The following PLPP4 variants were observed in gnomAD, a reference collection of about 807,000 sequenced individuals.
PLPP4 encodes the protein diacylglycerol pyrophosphate like 2.
Under a neutral mutation model 32.2 loss-of-function variants are expected in PLPP4, and 20 were observed. The observed-to-expected ratio is 0.62, with a 90% CI of 0.44 to 0.90. PLPP4 has a LOEUF of 0.90. Among genes scored for constraint, PLPP4 ranks in the 40% least tolerant of loss-of-function variants. The pLI is 0.00. For missense variants in PLPP4, 257 were observed against 353.1 expected, an observed-to-expected ratio of 0.73 and a Z score of 2.18; for synonymous variants, 127 against 133.0, an observed-to-expected ratio of 0.95 and a Z score of 0.31.
At chr10:120,463,019 C>CTTTT (rs71019771) in intron 1 of PLPP4, among the ~76,000 whole-genome samples, 500 of 89,282 alleles carry the variant, frequency 5.6e-3, no homozygotes, top group Middle Eastern at 0.015. Flanking sequence ...AAGTTTCTTT[C>CTTTT]TTTTTTTTTT....
Position 120,589,190 on chromosome 10 carries a change from T to C in PLPP4, c.617-113T>C, listed in dbSNP as rs181299614. ...TTTCCTTTAGTCTTTCAGGGGGTCCTGTAAGCAAACCAGGTCCTAGAACAG... is the reference window on the plus strand; with the variant it reads ...TTTCCTTTAGTCTTTCAGGGGGTCCCGTAAGCAAACCAGGTCCTAGAACAG... On this transcript the variant is annotated intron_variant, in intron 6 of 6. Coordinates refer to ENST00000398250, the MANE Select transcript of PLPP4 (RefSeq NM_001030059.3). The C allele has an allele frequency of 4.9e-6, 5 of 1,028,160 alleles. No homozygotes were observed. In the Admixed American group the frequency reaches 5.8e-5, roughly 12 times the overall value. The allele number at this position is 1,028,160 out of a possible 1,614,324, so 63.7% of individuals were successfully genotyped here. A position where few individuals can be genotyped will look rare whatever the true frequency, so the allele number is the denominator to read the frequency against.
chr10:120,550,466 A>C (rs1847840503), intron 5 of PLPP4, among the ~76,000 whole-genome samples: 1 of 151,910 alleles, frequency 6.6e-6, no homozygotes, highest in Admixed American at 6.6e-5. Flanking sequence ...AGGACCTAGG[A>C]TAGCCGAACA....
chr10:120,526,769 T>G (rs910734340), intron 5 of PLPP4, among the ~76,000 whole-genome samples: 8 of 152,284 alleles, frequency 5.3e-5, no homozygotes, highest in Admixed American at 5.2e-4. Context: ...TAGCTTCTCT[T>G]TATCGGCACT....
chr10:120,509,668 T>C lies in PLPP4; in HGVS notation c.166-4243T>C, dbSNP rs149433487. On this transcript the variant is annotated intron_variant, in intron 2 of 6. Coordinates refer to ENST00000398250, the MANE Select transcript of PLPP4 (RefSeq NM_001030059.3). The stretch of plus-strand genomic sequence containing the variant: ...CCTACTAGCTGTGTGCATTTGTGTG[T>C]TCACTCATCTCTCTGAGTTTTAGTT... 7.4e-3 allele frequency among the ~76,000 whole-genome samples: 1,121 copies of C among 152,282 alleles called. 15 individuals are homozygous for C. Among genetic ancestry groups the C allele is most frequent in the African/African-American group, 0.026 (1,074 of 41,548 alleles).
chr10:120,479,031 C>G (rs1844066549), intron 1 of PLPP4, among the ~76,000 whole-genome samples: 1 of 152,146 alleles, frequency 6.6e-6, no homozygotes, highest in African/African-American at 2.4e-5. Flanking sequence ...TCGAGACCAT[C>G]CTGGCTAACA....
chr10:120,486,699 G>C (rs1006168009), intron 1 of PLPP4, among the ~76,000 whole-genome samples: 2 of 152,212 alleles, frequency 1.3e-5, no homozygotes. Context: ...TTGCTTATTG[G>C]CTTCCTTTGG....
intron 1 of PLPP4, among the ~76,000 whole-genome samples, chr10:120,479,030 T>C (rs927486196): frequency 1.3e-5 from 2 of 152,090 alleles, no homozygotes; most frequent in Non-Finnish European, 2.9e-5. Context: ...ATCGAGACCA[T>C]CCTGGCTAAC....
intron 5 of PLPP4, among the ~76,000 whole-genome samples, chr10:120,574,164 ACACACTCTCTCTCT>A (rs1372029763): frequency 0.011 from 756 of 66,900 alleles, no homozygotes; most frequent in African/African-American, 0.013. Context: ...ACACACACAC[ACACACTCTCTCTCT>A]CTCTCTCTCT....
In PLPP4 at chr10:120,507,391, C is replaced by CATCATT. The variant is rs1415248185; in HGVS notation, c.165+3470_165+3471insTATCAT. Among the ~76,000 whole-genome samples, 22 of 142,138 alleles carry CATCATT rather than the reference C, an allele frequency of 1.5e-4. 1 individual carries two copies. The highest frequency in any genetic ancestry group is 6.2e-5 in the Non-Finnish European group (4 of 64,324). The allele number at this position is 142,138 out of a possible 152,430, so 93.2% of individuals were successfully genotyped here. A position where few individuals can be genotyped will look rare whatever the true frequency, so the allele number is the denominator to read the frequency against. On this transcript the variant is annotated intron_variant, in intron 2 of 6. Coordinates refer to ENST00000398250, the MANE Select transcript of PLPP4 (RefSeq NM_001030059.3). ...TCATCATCATCATCATCATCATTAT[C>CATCATT]ATCATCATCATCAACAACAGTAAAC...
intron 1 of PLPP4, among the ~76,000 whole-genome samples, chr10:120,501,991 G>C (rs564798287): frequency 6.6e-6 from 1 of 152,318 alleles, no homozygotes; most frequent in Non-Finnish European, 1.5e-5. Flanking sequence ...GCAGAGACCA[G>C]GGCAGAGAGC....
At chr10:120,519,083 A>C (rs1253019583) in intron 4 of PLPP4, among the ~76,000 whole-genome samples, 187 bp downstream of exon 4, 2 of 152,178 alleles carry the variant, frequency 1.3e-5, no homozygotes, top group African/African-American at 4.8e-5. Flanking sequence ...TATTTTAGAA[A>C]GCAGATCACT....
chr10:120,511,585 T>C (rs1845729930), intron 2 of PLPP4, among the ~76,000 whole-genome samples: 1 of 152,164 alleles, frequency 6.6e-6, no homozygotes, highest in Non-Finnish European at 1.5e-5. Flanking sequence ...CTGGTCTGTA[T>C]GCAGTGCTTA....
intron 1 of PLPP4, among the ~76,000 whole-genome samples, chr10:120,463,996 A>G (rs1480773363): frequency 6.6e-6 from 1 of 151,984 alleles, no homozygotes; most frequent in African/African-American, 2.4e-5. Flanking sequence ...TTTTGAAGAG[A>G]TGGGGTCTAC....
At chr10:120,586,230 G>T (rs1849753512) in intron 6 of PLPP4, among the ~76,000 whole-genome samples, 1 of 150,512 alleles carries the variant, frequency 6.6e-6, no homozygotes, top group South Asian at 2.1e-4. Context: ...CACCTCCCGG[G>T]TTCAAGCAAT....
At chr10:120,528,048 A>G (rs1846486571) in intron 5 of PLPP4, among the ~76,000 whole-genome samples, 1 of 145,690 alleles carries the variant, frequency 6.9e-6, no homozygotes, top group Non-Finnish European at 1.5e-5. Context: ...TAGATGGGAA[A>G]TTTGAAAAAT....
chr10:120,591,627 AC>A lies in PLPP4; in HGVS notation c.*2129del, dbSNP rs904601210. On this transcript the variant is annotated 3_prime_UTR_variant, in exon 7 of 7. Coordinates refer to ENST00000398250, the MANE Select transcript of PLPP4 (RefSeq NM_001030059.3). Reference sequence around the variant, plus strand: ...TCCTTTGCTACTGTTAAAAAAAAAAACCCCATCCTGATGTGGCCCACATTCT... The same window carrying A: ...TCCTTTGCTACTGTTAAAAAAAAAAACCCATCCTGATGTGGCCCACATTCT... Among the ~76,000 whole-genome samples, 11 of 147,260 alleles carry A rather than the reference AC, an allele frequency of 7.5e-5. No homozygotes were observed. The highest frequency in any genetic ancestry group is 3.9e-4 in the East Asian group (2 of 5,132).
chr10:120,512,232 C>A (rs968861642), intron 2 of PLPP4, among the ~76,000 whole-genome samples: 1 of 152,208 alleles, frequency 6.6e-6, no homozygotes, highest in Admixed American at 6.5e-5. Context: ...GACCTCTTAA[C>A]TCAGGAGTGT....
chr10:120,550,255 A>G lies in PLPP4; in HGVS notation c.446-24876A>G, dbSNP rs187191673. Among the ~76,000 whole-genome samples, 701 of 152,026 alleles carry G rather than the reference A, an allele frequency of 4.6e-3. 12 individuals carry two copies. The highest frequency in any genetic ancestry group is 0.016 in the African/African-American group (659 of 41,564). Reference sequence around the variant, plus strand: ...AATAAACAAAAACTGTGAAACCTATATTTTTCAAACTGCAAAACATTGCTA... The same window carrying G: ...AATAAACAAAAACTGTGAAACCTATGTTTTTCAAACTGCAAAACATTGCTA... On this transcript the variant is annotated intron_variant, in intron 5 of 6. Transcript: ENST00000398250.
chr10:120,479,947 G>A (rs1292345561), intron 1 of PLPP4, among the ~76,000 whole-genome samples: 2 of 152,188 alleles, frequency 1.3e-5, no homozygotes, highest in Non-Finnish European at 2.9e-5. Context: ...GCTATGGATG[G>A]TATGCTCTCT....
Sources: allele counts gnomAD v4.1 joint callset (sites outside exome capture counted in the v4.1 genomes callset), GRCh38; gene constraint gnomAD v4.1.1; transcripts MANE v1.5; gene names NCBI Gene and HGNC (gene_info 2026-07-23, HGNC 2026-07-21).